Variants in MTRFR observed in about 807,000 individuals in gnomAD.
The protein encoded by MTRFR is mitochondrial translation release factor in rescue, also known as probable peptide chain release factor C12orf65, mitochondrial.
Under a neutral mutation model 11.9 loss-of-function variants are expected in MTRFR, and 10 were observed. That is an observed-to-expected ratio of 0.84 (90% CI 0.52 to 1.42). The LOEUF (loss-of-function observed/expected upper bound fraction) is 1.42. MTRFR is among the 40% of genes most tolerant of loss of function. The pLI is 0.00. For synonymous variants in MTRFR, 77 were observed against 79.1 expected, an observed-to-expected ratio of 0.97 and a Z score of 0.14; for missense variants, 196 against 197.9, an observed-to-expected ratio of 0.99 and a Z score of 0.06.
chr12:123,238,000 A>G (rs1360912197), intron 1 of MTRFR, among the ~76,000 whole-genome samples: 2 of 151,448 alleles, frequency 1.3e-5, no homozygotes, highest in Non-Finnish European at 2.9e-5. Flanking sequence ...GGTTGAATCC[A>G]TTATTCTGCT....
chr12:123,238,131 G>A (rs764108024), intron 1 of MTRFR, among the ~76,000 whole-genome samples: 1 of 152,036 alleles, frequency 6.6e-6, no homozygotes, highest in Non-Finnish European at 1.5e-5. Context: ...CCTGAGCTCA[G>A]GCAATCCACC....
At chr12:123,253,107 T>TTTTTTTTTTG (rs766114484) in intron 1 of MTRFR, among the ~76,000 whole-genome samples, 741 of 63,350 alleles carry the variant, frequency 0.012, 258 homozygotes, top group Non-Finnish European at 0.021. Context: ...TTTTTTTTTT[T>TTTTTTTTTTG]GAGACACTGT....
intron 1 of MTRFR, among the ~76,000 whole-genome samples, chr12:123,243,297 G>A (rs1307290127): frequency 4.0e-5 from 6 of 151,832 alleles, no homozygotes; most frequent in African/African-American, 1.5e-4. Context: ...TTGGGAGGCC[G>A]AGGCGGGCGG....
intron 1 of MTRFR, among the ~76,000 whole-genome samples, chr12:123,242,809 T>C (rs2047961872): frequency 6.6e-6 from 1 of 152,170 alleles, no homozygotes. Context: ...TGGAATCACT[T>C]CCTCTCTTTT....
At position 123,253,107 on chromosome 12, in the gene MTRFR, T is replaced by TTTTTTTTTTTTTTTTTTTTTTTG. The variant is rs766114484; in HGVS notation, c.-28-540_-28-539insTTTTTTTTTTTTTTTTTTTTTTG. Among the ~76,000 whole-genome samples, 34 of 63,360 alleles carry TTTTTTTTTTTTTTTTTTTTTTTG rather than the reference T, an allele frequency of 5.4e-4. 12 individuals are homozygous for TTTTTTTTTTTTTTTTTTTTTTTG. Among genetic ancestry groups the TTTTTTTTTTTTTTTTTTTTTTTG allele is most frequent in the South Asian group, 1.5e-3 (2 of 1,374 alleles). The allele number at this position is 63,360 out of a possible 152,430, so 41.6% of individuals were successfully genotyped here. A position where few individuals can be genotyped will look rare whatever the true frequency, so the allele number is the denominator to read the frequency against. Reference sequence around the variant, plus strand: ...TTTTTTTTTTTTTTTTTTTTTTTTTTGAGACACTGTCTCGCTCTGTTGTCC... The same window carrying TTTTTTTTTTTTTTTTTTTTTTTG: ...TTTTTTTTTTTTTTTTTTTTTTTTTTTTTTTTTTTTTTTTTTTTTTTTGGAGACACTGTCTCGCTCTGTTGTCC... On this transcript the variant is annotated intron_variant, in intron 1 of 2. Transcript: ENST00000253233.
chr12:123,252,660 C>A (rs1337236600), intron 1 of MTRFR: 1 of 152,000 alleles, frequency 6.6e-6, no homozygotes, highest in African/African-American at 2.4e-5. Flanking sequence ...GGGGGTGGCT[C>A]ACACTTGTAA....
In MTRFR at chr12:123,253,825, G is replaced by A. The variant is rs753885170; in HGVS notation, c.151G>A (p.Ala51Thr). 1 of 1,614,210 alleles carries A rather than the reference G, an allele frequency of 6.2e-7. No individual in the cohort carries two copies. The highest frequency in any genetic ancestry group is 1.3e-5 in the African/African-American group (1 of 75,064). The change falls in exon 2 of 3, where the codon GCA (alanine) becomes ACA (threonine). Residue 51 changes from alanine to threonine, a missense_variant. Coordinates refer to ENST00000253233, the MANE Select transcript of MTRFR (RefSeq NM_152269.5). The stretch of plus-strand genomic sequence containing the variant: ...GATGGCAGGCAAGAAGGACTACCCT[G>A]CACTGCTTTCCTTGGATGAGAATGA... Reference protein sequence around the residue: ...VQMAGKKDYPALLSLDENELE... With the variant: ...VQMAGKKDYPTLLSLDENELE...
chr12:123,255,316 C>T lies in MTRFR; in HGVS notation c.282+1360C>T, dbSNP rs73417352. Among the ~76,000 whole-genome samples, 979 of 152,302 alleles carry T rather than the reference C, an allele frequency of 6.4e-3. 14 individuals carry two copies. Among genetic ancestry groups the T allele is most frequent in the African/African-American group, 0.022 (923 of 41,558 alleles). ...GCCACAAGCATATCATGTAAAACCT[C>T]AATCATTTCTTTTCCCCCTTGAAAA... On this transcript the variant is annotated intron_variant, in intron 2 of 2. Transcript: ENST00000253233.
chr12:123,233,537 C>T lies in MTRFR; in HGVS notation c.-29+6C>T, dbSNP rs1343536019. On this transcript the variant is annotated splice_donor_region_variant and intron_variant, in intron 1 of 2. Coordinates refer to ENST00000253233, the MANE Select transcript of MTRFR (RefSeq NM_152269.5). Reference sequence around the variant, plus strand: ...GAGTCGGGTCCTGAGACCAGGTAAGCATCTGCGGAGAAGCCAGGTAACCCT... The same window carrying T: ...GAGTCGGGTCCTGAGACCAGGTAAGTATCTGCGGAGAAGCCAGGTAACCCT... 6.6e-6 allele frequency: 1 copy of T among 152,264 alleles called. No homozygotes were observed. Among genetic ancestry groups the T allele is most frequent in the African/African-American group, 2.4e-5 (1 of 41,464 alleles). 9.4% of individuals were successfully genotyped at this position (152,264 alleles called of 1,614,324 possible).
chr12:123,235,991 G>A (rs918949400), intron 1 of MTRFR, among the ~76,000 whole-genome samples: 7 of 152,048 alleles, frequency 4.6e-5, no homozygotes, highest in Non-Finnish European at 8.8e-5. Flanking sequence ...TGGAACCCGG[G>A]AGGCAAAGGT....
At chr12:123,238,762 G>C (rs2047888476) in intron 1 of MTRFR, among the ~76,000 whole-genome samples, 1 of 152,146 alleles carries the variant, frequency 6.6e-6, no homozygotes, top group Non-Finnish European at 1.5e-5. Context: ...TCATTTGGTA[G>C]GTCAGAGCAG....
At chr12:123,254,546 A>G (rs2048161076) in intron 2 of MTRFR, 1 of 154,786 alleles carries the variant, frequency 6.5e-6, no homozygotes, top group Non-Finnish European at 1.4e-5. Flanking sequence ...ACTGAGGGCG[A>G]GATCATGGAG....
Position 123,252,917 on chromosome 12 carries a change from TC to T in MTRFR, c.-28-728del, listed in dbSNP as rs2048131558. Among the ~76,000 whole-genome samples the T allele has an allele frequency of 2.0e-5, 3 of 152,074 alleles. No individual in the cohort carries two copies. In the East Asian group the frequency reaches 5.8e-4, roughly 29 times the overall value. On this transcript the variant is annotated intron_variant, in intron 1 of 2. Transcript: ENST00000253233. ...TCCAGCCTGGGCGACAGAGCGAGATTCCGTCTCAAAAAATAAAATAGACTCT... is the reference window on the plus strand; with the variant it reads ...TCCAGCCTGGGCGACAGAGCGAGATTCGTCTCAAAAAATAAAATAGACTCT...
At chr12:123,245,268 G>A (rs1042816669) in intron 1 of MTRFR, among the ~76,000 whole-genome samples, 3 of 152,136 alleles carry the variant, frequency 2.0e-5, no homozygotes, top group Non-Finnish European at 2.9e-5. Flanking sequence ...GTACCACGCT[G>A]TTTTGGTGAC....
intron 1 of MTRFR, among the ~76,000 whole-genome samples, chr12:123,238,039 G>T (rs1234595078): frequency 6.6e-6 from 1 of 151,916 alleles, no homozygotes; most frequent in Non-Finnish European, 1.5e-5. Context: ...GGGACTACAG[G>T]TGCACACCAC....
intron 2 of MTRFR, chr12:123,254,202 A>G (rs892150767): frequency 3.8e-6 from 2 of 523,228 alleles, no homozygotes; most frequent in African/African-American, 3.8e-5. Context: ...GAGCCAGGGT[A>G]TGGCTGCCAT....
At chr12:123,235,171 C>T (rs1252760586) in intron 1 of MTRFR, among the ~76,000 whole-genome samples, 3 of 152,164 alleles carry the variant, frequency 2.0e-5, no homozygotes, top group Non-Finnish European at 4.4e-5. Flanking sequence ...AAGTACTTTA[C>T]ATTTATGGCA....
chr12:123,242,000 A>G (rs936255748), intron 1 of MTRFR, among the ~76,000 whole-genome samples: 1 of 152,172 alleles, frequency 6.6e-6, no homozygotes, highest in African/African-American at 2.4e-5. Flanking sequence ...CAGCTATCAC[A>G]TGTATCCTGT....
intron 1 of MTRFR, among the ~76,000 whole-genome samples, chr12:123,236,420 C>T (rs1163340062): frequency 6.6e-6 from 1 of 151,698 alleles, no homozygotes; most frequent in Non-Finnish European, 1.5e-5. Flanking sequence ...ATGGCAAGAC[C>T]CCATCTCTAC....
Sources: gnomAD v4.1 joint callset for allele counts (sites outside exome capture counted in the v4.1 genomes callset) on GRCh38, gnomAD v4.1.1 for gene constraint, MANE v1.5 for transcripts, NCBI Gene and HGNC (gene_info 2026-07-23, HGNC 2026-07-21) for gene names.